The following DOCK7 variants were observed in gnomAD, a reference collection of about 807,000 sequenced individuals.
DOCK7 encodes dedicator of cytokinesis protein 7.
Under a neutral mutation model 271.0 loss-of-function variants are expected in DOCK7, and 138 were observed. The observed-to-expected ratio is 0.51, with a 90% CI of 0.44 to 0.59. The LOEUF (loss-of-function observed/expected upper bound fraction) is 0.59, where lower values mean the gene tolerates loss of function less well. Among genes scored for constraint, DOCK7 ranks in the 20% least tolerant of loss-of-function variants. The pLI is 0.00. For synonymous variants in DOCK7, 823 were observed against 876.1 expected (o/e 0.94, Z 1.07); for missense variants, 2,066 against 2,592.4 (o/e 0.80, Z 4.41).
At chr1:62,625,883 TA>T (rs1200186043) in intron 11 of DOCK7, among the ~76,000 whole-genome samples, 6 of 152,144 alleles carry the variant, frequency 3.9e-5, no homozygotes, top group Non-Finnish European at 7.4e-5. Context: ...ATAAACAAAC[TA>T]GACCTAATGG....
chr1:62,633,185 G>A (rs1036625807), intron 10 of DOCK7, among the ~76,000 whole-genome samples: 1 of 151,996 alleles, frequency 6.6e-6, no homozygotes, highest in Non-Finnish European at 1.5e-5. Flanking sequence ...GAGTTAAACT[G>A]AATTAATTTA....
intron 4 of DOCK7, among the ~76,000 whole-genome samples, chr1:62,650,913 A>C (rs1444070793): frequency 3.3e-5 from 5 of 152,190 alleles, no homozygotes; most frequent in Non-Finnish European, 7.3e-5. Context: ...TAGAACTAGA[A>C]ATACTATTTG....
intron 18 of DOCK7, among the ~76,000 whole-genome samples, chr1:62,566,921 T>A (rs1057311508): frequency 2.0e-5 from 3 of 152,222 alleles, no homozygotes; most frequent in Non-Finnish European, 2.9e-5. Flanking sequence ...AAGACATTTA[T>A]GCAGCCAAGA....
At chr1:62,602,312 G>A (rs763904695) in intron 14 of DOCK7, 31 of 1,610,220 alleles carry the variant, frequency 1.9e-5, no homozygotes, top group East Asian at 4.5e-5. Context: ...ATTCAACATC[G>A]AATAGATGGA....
chr1:62,647,677 A>G lies in DOCK7; in HGVS notation c.818+14T>C. 1 of 1,558,480 alleles carries G rather than the reference A, an allele frequency of 6.4e-7. No homozygotes were observed. Among genetic ancestry groups the G allele is most frequent in the Non-Finnish European group, 8.7e-7 (1 of 1,148,458 alleles). ...GGAAAATAAAAGTTGTAAGTAAAAG[A>G]AATAAATACTCACTTGAGTGATAAG... is the stretch of plus-strand genomic sequence containing the variant. On this transcript the variant is annotated intron_variant, in intron 7 of 49. Transcript: ENST00000635253.
intron 48 of DOCK7, among the ~76,000 whole-genome samples, chr1:62,464,184 C>A (rs994881295): frequency 1.3e-5 from 2 of 151,718 alleles, no homozygotes; most frequent in African/African-American, 2.4e-5. Context: ...CTCAGCCTCC[C>A]GAGTAGCTAG....
intron 14 of DOCK7, among the ~76,000 whole-genome samples, chr1:62,611,775 A>C (rs1334092073): frequency 6.6e-6 from 1 of 152,114 alleles, no homozygotes; most frequent in Admixed American, 6.5e-5. Flanking sequence ...CAACTACTCA[A>C]GAAAAAAAAA....
intron 13 of DOCK7, among the ~76,000 whole-genome samples, chr1:62,619,526 C>T (rs538775944): frequency 6.6e-6 from 1 of 152,280 alleles, no homozygotes; most frequent in South Asian, 2.1e-4. Flanking sequence ...ATAACCCTAA[C>T]TCATAATAAA....
intron 48 of DOCK7, among the ~76,000 whole-genome samples, chr1:62,469,906 CAAAAAA>C (rs35490114): frequency 7.3e-6 from 1 of 137,720 alleles, no homozygotes. Flanking sequence ...ATCAAAAACT[CAAAAAA>C]AAAAAAAAAA....
Position 62,618,735 on chromosome 1 carries a change from C to T in DOCK7, c.1653G>A (p.Arg551=), listed in dbSNP as rs142154625. The change falls in exon 14 of 50, where the codon AGG becomes AGA. Residue 551 remains arginine (R), a synonymous_variant. Coordinates refer to ENST00000635253, the MANE Select transcript of DOCK7 (RefSeq NM_001367561.1). The part of the protein sequence containing the change: ...PTREILEFPA[R]DVYVPNTTYR... ...AAGTAGTGTTTGGAACATAAACATCCCTTGCGGGAAACTCTAAGATTTCTC... is the reference window on the plus strand; with the variant it reads ...AAGTAGTGTTTGGAACATAAACATCTCTTGCGGGAAACTCTAAGATTTCTC... The T allele has an allele frequency of 1.2e-6, 2 of 1,613,656 alleles. No individual in the cohort carries two copies. The highest frequency in any genetic ancestry group is 1.1e-5 in the South Asian group (1 of 91,062).
At chr1:62,461,726 TAAAA>T (rs1645534719) in intron 48 of DOCK7, among the ~76,000 whole-genome samples, 2 of 148,008 alleles carry the variant, frequency 1.4e-5, no homozygotes, top group South Asian at 2.1e-4. Context: ...TAAAATAAAA[TAAAA>T]GTCAACTGAT....
At chr1:62,487,902 T>C (rs1646344059) in intron 42 of DOCK7, 1 of 152,510 alleles carries the variant, frequency 6.6e-6, no homozygotes, top group African/African-American at 2.4e-5. Context: ...CAACTGATTA[T>C]TAAAAGACCT....
At chr1:62,604,091 G>C (rs1406794836) in intron 14 of DOCK7, 1 of 1,613,096 alleles carries the variant, frequency 6.2e-7, no homozygotes, top group South Asian at 1.1e-5. Context: ...TTTTTACTTG[G>C]GAAATCACGA....
chr1:62,623,684 A>G (rs1322145991), intron 12 of DOCK7, among the ~76,000 whole-genome samples: 1 of 152,218 alleles, frequency 6.6e-6, no homozygotes, highest in Non-Finnish European at 1.5e-5. Flanking sequence ...TAGCAAATCT[A>G]TTACCCCATT....
At chr1:62,635,534 T>TC (rs1256764575) in intron 8 of DOCK7, 7 of 107,826 alleles carry the variant, frequency 6.5e-5, no homozygotes, top group Non-Finnish European at 9.3e-5. Context: ...AGACTCAATC[T>TC]CAAAAAAAAA....
chr1:62,555,825 CTGG>C lies in DOCK7; in HGVS notation c.2593_2595del (p.Pro865del), dbSNP rs1646123607. The C allele has an allele frequency of 6.2e-7, 1 of 1,604,312 alleles. No homozygotes were observed. The highest frequency in any genetic ancestry group is 1.3e-5 in the African/African-American group (1 of 74,290). On this transcript the variant is annotated inframe_deletion and splice_region_variant, in exon 21 of 50. Coordinates refer to ENST00000635253, the MANE Select transcript of DOCK7 (RefSeq NM_001367561.1). The stretch of plus-strand genomic sequence containing the variant: ...CTTCATAGTAAAAAGAATAAAATAC[CTGG>C]TGATGATGAATTAGGGTAAGTATTT...
intron 2 of DOCK7, among the ~76,000 whole-genome samples, chr1:62,658,079 C>CG (rs1260309040): frequency 6.6e-6 from 1 of 150,972 alleles, no homozygotes; most frequent in Non-Finnish European, 1.5e-5. Context: ...CTAAGCAAAC[C>CG]TTAAACAGGA....
intron 48 of DOCK7, among the ~76,000 whole-genome samples, chr1:62,462,831 T>G (rs1221378512): frequency 1.3e-5 from 2 of 150,858 alleles, no homozygotes; most frequent in Non-Finnish European, 3.0e-5. Flanking sequence ...CCTCAAGCCA[T>G]CATTCTACTT....
intron 31 of DOCK7, among the ~76,000 whole-genome samples, chr1:62,526,537 T>C (rs1036950534): frequency 1.3e-5 from 2 of 151,490 alleles, no homozygotes; most frequent in Admixed American, 1.3e-4. Context: ...ATGTTAAACA[T>C]AGAAGTACCA....
Sources: allele counts gnomAD v4.1 joint callset (sites outside exome capture counted in the v4.1 genomes callset), GRCh38; gene constraint gnomAD v4.1.1; transcripts MANE v1.5; gene names NCBI Gene and HGNC (gene_info 2026-07-23, HGNC 2026-07-21).